MYO1D: variants seen among roughly 807,000 people sequenced by gnomAD.
MYO1D encodes myosin ID.
Under a neutral mutation model 122.0 loss-of-function variants are expected in MYO1D, and 83 were observed. The observed-to-expected ratio is 0.68, with a 90% CI of 0.57 to 0.82. The LOEUF (loss-of-function observed/expected upper bound fraction) is 0.82. Among genes scored for constraint, MYO1D ranks in the 40% least tolerant of loss-of-function variants. MYO1D has a pLI of 0.00. For synonymous variants in MYO1D, 464 were observed against 446.9 expected, an observed-to-expected ratio of 1.04 and a Z score of -0.48; for missense variants, 1,157 against 1,269.5, an observed-to-expected ratio of 0.91 and a Z score of 1.35.
At chr17:32,797,153 T>C (rs1316169735) in intron 1 of MYO1D, among the ~76,000 whole-genome samples, 1 of 152,144 alleles carries the variant, frequency 6.6e-6, no homozygotes, top group Non-Finnish European at 1.5e-5. Context: ...TGTATTTTAG[T>C]AGAGATGGGG....
intron 1 of MYO1D, among the ~76,000 whole-genome samples, chr17:32,833,730 T>C (rs923368340): frequency 6.6e-6 from 1 of 152,164 alleles, no homozygotes; most frequent in Non-Finnish European, 1.5e-5. Context: ...ACCTCCTTGC[T>C]CCTCTGAACA....
intron 16 of MYO1D, among the ~76,000 whole-genome samples, chr17:32,669,895 C>CTT (rs151075296): frequency 3.5e-5 from 5 of 143,832 alleles, no homozygotes; most frequent in Admixed American, 6.9e-5. Flanking sequence ...TTTTCTTTTT[C>CTT]TTTTTTCTTT....
Position 32,874,531 on chromosome 17 carries a change from T to C in MYO1D, c.95+2247A>G, listed in dbSNP as rs376845393. On this transcript the variant is annotated intron_variant, in intron 1 of 21. Transcript: ENST00000318217. ...AATTCCACCTTTCTCCAGGTCTTCA[T>C]TGAGATGTCACCTCTTCGAGAGGTA... Among the ~76,000 whole-genome samples the C allele has an allele frequency of 6.6e-5, 10 of 152,320 alleles. No homozygotes were observed. In the East Asian group the frequency reaches 9.6e-4, roughly 15 times the overall value.
At chr17:32,792,572 C>T (rs1350820297) in intron 1 of MYO1D, 1 of 152,118 alleles carries the variant, frequency 6.6e-6, no homozygotes, top group Non-Finnish European at 1.5e-5. Context: ...AGTTTTATCC[C>T]CTTGTTAGAC....
chr17:32,636,999 T>C (rs1403575211), intron 20 of MYO1D, among the ~76,000 whole-genome samples: 1 of 152,236 alleles, frequency 6.6e-6, no homozygotes, highest in Non-Finnish European at 1.5e-5. Flanking sequence ...TAGTTAAACA[T>C]TGTTAGTTTT....
intron 16 of MYO1D, among the ~76,000 whole-genome samples, chr17:32,685,851 T>C (rs2088997756): frequency 6.6e-6 from 1 of 152,260 alleles, no homozygotes; most frequent in Non-Finnish European, 1.5e-5. Flanking sequence ...AAATATTCAC[T>C]TCTGCCTTCT....
intron 2 of MYO1D, 84 bp from the exon 3 acceptor site, chr17:32,778,657 G>C: frequency 8.4e-7 from 1 of 1,184,736 alleles, no homozygotes; most frequent in Non-Finnish European, 1.2e-6. Context: ...TTAAAAATCT[G>C]ATACTGGTGA....
At chr17:32,791,259 G>A (rs2090347664) in intron 1 of MYO1D, among the ~76,000 whole-genome samples, 1 of 151,592 alleles carries the variant, frequency 6.6e-6, no homozygotes, top group Non-Finnish European at 1.5e-5. Flanking sequence ...AGCTACTCGG[G>A]AGGCTGAGGC....
At chr17:32,537,900 G>A (rs1910709790) in intron 21 of MYO1D, among the ~76,000 whole-genome samples, 1 of 152,190 alleles carries the variant, frequency 6.6e-6, no homozygotes, top group African/African-American at 2.4e-5. Context: ...GAGGGACATG[G>A]AGCAGTAAGG....
chr17:32,596,246 G>C (rs2087491309), intron 21 of MYO1D, among the ~76,000 whole-genome samples: 1 of 152,206 alleles, frequency 6.6e-6, no homozygotes, highest in East Asian at 1.9e-4. Flanking sequence ...AAAATGAGTG[G>C]CCAGGCATTC....
At chr17:32,876,739 G>A in intron 1 of MYO1D, 39 bp downstream of exon 1, 3 of 1,458,442 alleles carry the variant, frequency 2.1e-6, no homozygotes, top group Non-Finnish European at 2.7e-6. Flanking sequence ...TCGGGAAAGC[G>A]CAGCCTCGCG....
chr17:32,829,517 A>C (rs2090753079), intron 1 of MYO1D, among the ~76,000 whole-genome samples: 2 of 152,264 alleles, frequency 1.3e-5, no homozygotes, highest in Non-Finnish European at 2.9e-5. Flanking sequence ...ACAGTGGCGC[A>C]ATCTCAGCTC....
At chr17:32,552,419 CCCATCCATCCATCCAT>C (rs60290556) in intron 21 of MYO1D, among the ~76,000 whole-genome samples, 6 of 143,498 alleles carry the variant, frequency 4.2e-5, no homozygotes, top group Admixed American at 2.1e-4. Flanking sequence ...CATCCATCCA[CCCATCCATCCATCCAT>C]CCATCCATCC....
At chr17:32,610,673 G>A (rs1458054631) in intron 20 of MYO1D, among the ~76,000 whole-genome samples, 3 of 152,134 alleles carry the variant, frequency 2.0e-5, no homozygotes, top group Non-Finnish European at 4.4e-5. Context: ...AGTACAAAAA[G>A]TAAATAAGCA....
chr17:32,829,033 G>A (rs962855144), intron 1 of MYO1D, among the ~76,000 whole-genome samples: 21 of 152,168 alleles, frequency 1.4e-4, no homozygotes, highest in Non-Finnish European at 3.1e-4. Flanking sequence ...ACACAGACAG[G>A]AGAAAATAAG....
chr17:32,526,700 T>G (rs903084472), intron 21 of MYO1D, among the ~76,000 whole-genome samples: 14 of 152,112 alleles, frequency 9.2e-5, no homozygotes, highest in Non-Finnish European at 1.6e-4. Context: ...TTGCCCAGGC[T>G]GGGGTGCAGG....
intron 20 of MYO1D, among the ~76,000 whole-genome samples, chr17:32,636,901 T>C (rs918396686): frequency 1.3e-5 from 2 of 152,190 alleles, no homozygotes; most frequent in Non-Finnish European, 2.9e-5. Context: ...ACAAATATGG[T>C]ATGGGAATAC....
At chr17:32,540,397 A>G (rs1265571827) in intron 21 of MYO1D, among the ~76,000 whole-genome samples, 2 of 151,786 alleles carry the variant, frequency 1.3e-5, no homozygotes, top group African/African-American at 2.4e-5. Flanking sequence ...TGCAAATCAT[A>G]TATCTGATAA....
chr17:32,706,948 G>A (rs951211036), intron 16 of MYO1D, among the ~76,000 whole-genome samples: 2 of 151,728 alleles, frequency 1.3e-5, no homozygotes, highest in African/African-American at 2.4e-5. Flanking sequence ...CACCCGCCTC[G>A]GCCCCCCAAA....
Sources: gnomAD v4.1 joint callset for allele counts (sites outside exome capture counted in the v4.1 genomes callset) on GRCh38, gnomAD v4.1.1 for gene constraint, MANE v1.5 for transcripts, NCBI Gene and HGNC (gene_info 2026-07-23, HGNC 2026-07-21) for gene names.